RAD52: variants seen among roughly 807,000 people sequenced by gnomAD.
RAD52 encodes the protein DNA repair protein RAD52 homolog.
Under a neutral mutation model 55.5 loss-of-function variants are expected in RAD52, and 47 were observed. The observed-to-expected ratio is 0.85, with a 90% CI of 0.67 to 1.08. The LOEUF (loss-of-function observed/expected upper bound fraction) is 1.08, where lower values mean the gene tolerates loss of function less well. Among genes scored for constraint, RAD52 ranks in the 50% least tolerant of loss-of-function variants. The pLI is 0.00. For missense variants in RAD52, 468 were observed against 522.8 expected, an observed-to-expected ratio of 0.90 and a Z score of 1.02; for synonymous variants, 184 against 198.9, an observed-to-expected ratio of 0.92 and a Z score of 0.63.
At chr12:966,898 C>A (rs889037898) in intron 1 of RAD52, among the ~76,000 whole-genome samples, 1 of 151,674 alleles carries the variant, frequency 6.6e-6, no homozygotes, top group African/African-American at 2.4e-5. Context: ...TTTACTGTTG[C>A]GTCACAAGGT....
intron 6 of RAD52, among the ~76,000 whole-genome samples, chr12:926,535 A>G (rs1305769523): frequency 3.3e-5 from 5 of 151,768 alleles, no homozygotes; most frequent in Non-Finnish European, 7.4e-5. Context: ...AAATAAATAA[A>G]TAAGCCTGGG....
At chr12:974,800 T>C (rs1958914767) in intron 1 of RAD52, 1 of 152,248 alleles carries the variant, frequency 6.6e-6, no homozygotes, top group African/African-American at 2.4e-5. Flanking sequence ...TGAGTTACTA[T>C]TATTATCTCC....
chr12:963,056 A>C (rs980203983), intron 1 of RAD52, among the ~76,000 whole-genome samples: 1 of 152,184 alleles, frequency 6.6e-6, no homozygotes, highest in Admixed American at 6.5e-5. Context: ...CTGGCTGCCT[A>C]ATTCTTACTA....
intron 1 of RAD52, among the ~76,000 whole-genome samples, chr12:942,699 A>T (rs1236132694): frequency 6.6e-6 from 1 of 151,686 alleles, no homozygotes; most frequent in East Asian, 1.9e-4. Flanking sequence ...GTGAGCGGAG[A>T]TCGCCATCAC....
intron 1 of RAD52, among the ~76,000 whole-genome samples, chr12:937,184 G>T (rs1230984188): frequency 6.6e-6 from 1 of 152,186 alleles, no homozygotes; most frequent in Non-Finnish European, 1.5e-5. Context: ...CTGGGAGACA[G>T]CTTTAGGAGA....
At chr12:927,441 C>T (rs1957100576) in intron 5 of RAD52, among the ~76,000 whole-genome samples, 178 bp from the exon 6 acceptor site, 2 of 152,132 alleles carry the variant, frequency 1.3e-5, no homozygotes, top group African/African-American at 4.8e-5. Context: ...TAGACCTGGG[C>T]TGCCTGGACA....
chr12:944,773 T>TC lies in RAD52; in HGVS notation c.-19+4828_-19+4829insG, dbSNP rs367910604. Among the ~76,000 whole-genome samples, 217 of 138,880 alleles carry TC rather than the reference T, an allele frequency of 1.6e-3. 4 individuals are homozygous for TC. Among genetic ancestry groups the TC allele is most frequent in the African/African-American group, 5.1e-3 (194 of 38,200 alleles). 91.1% of individuals were successfully genotyped at this position (138,880 alleles called of 152,430 possible). A position where few individuals can be genotyped will look rare whatever the true frequency, so the allele number is the denominator to read the frequency against. ...TCACCTAAAAGCATTTTTCTTTCTT[T>TC]TTTTTTTTTTTTGAGGAGTCTCACA... is the stretch of plus-strand genomic sequence containing the variant. On this transcript the variant is annotated intron_variant, in intron 1 of 11. Transcript: ENST00000358495.
intron 7 of RAD52, among the ~76,000 whole-genome samples, chr12:924,987 G>C (rs1406385749): frequency 2.9e-5 from 4 of 136,180 alleles, no homozygotes; most frequent in African/African-American, 1.1e-4. Context: ...GTCTGGCTCT[G>C]TCGCCCAGGT....
At chr12:978,091 G>A (rs1301117079) in intron 1 of RAD52, among the ~76,000 whole-genome samples, 2 of 152,232 alleles carry the variant, frequency 1.3e-5, no homozygotes, top group South Asian at 2.1e-4. Flanking sequence ...ACTGGCTACT[G>A]AGATACAGTT....
At chr12:979,529 C>A (rs1028186800) in intron 1 of RAD52, among the ~76,000 whole-genome samples, 1 of 152,016 alleles carries the variant, frequency 6.6e-6, no homozygotes, top group Non-Finnish European at 1.5e-5. Context: ...GACACCAGAC[C>A]ACATGTGCCG....
intron 1 of RAD52, among the ~76,000 whole-genome samples, chr12:972,812 C>A (rs2154121378): frequency 6.8e-6 from 1 of 145,994 alleles, no homozygotes; most frequent in African/African-American, 2.6e-5. Context: ...GGTGGGGGCA[C>A]ACCTGGCATG....
upstream of RAD52, among the ~76,000 whole-genome samples, chr12:952,916 GGGAA>G: frequency 1.3e-5 from 1 of 75,188 alleles, no homozygotes; most frequent in Non-Finnish European, 2.7e-5. Flanking sequence ...CGGAAGAGAA[GGGAA>G]GGGAGGGGAA....
intron 7 of RAD52, among the ~76,000 whole-genome samples, chr12:923,573 T>TA (rs368376156): frequency 0.19 from 25,758 of 135,250 alleles, 2,476 homozygotes; most frequent in Admixed American, 0.24. Context: ...TAAAATAAAT[T>TA]AAAAAAAAAA....
At chr12:935,857 AAAATAAAT>A (rs35867275) in intron 1 of RAD52, among the ~76,000 whole-genome samples, 1,992 of 134,774 alleles carry the variant, frequency 0.015, 33 homozygotes, top group East Asian at 0.054. Flanking sequence ...CCGTCTCAAA[AAAATAAAT>A]AAATAAATAA....
chr12:931,565 G>A (rs766629799), intron 2 of RAD52, among the ~76,000 whole-genome samples: 3 of 152,182 alleles, frequency 2.0e-5, no homozygotes, highest in Non-Finnish European at 4.4e-5. Flanking sequence ...ATTCACTCAT[G>A]AGACAATGAG....
chr12:922,191 T>TA (rs79763100), intron 7 of RAD52, among the ~76,000 whole-genome samples: 26,072 of 81,428 alleles, frequency 0.32, 4,324 homozygotes, highest in East Asian at 0.5. Context: ...TAGGTTGGCT[T>TA]AAAAAAAAAA....
chr12:972,016 T>C (rs960793745), intron 1 of RAD52, among the ~76,000 whole-genome samples: 1 of 152,056 alleles, frequency 6.6e-6, no homozygotes, highest in Non-Finnish European at 1.5e-5. Context: ...CCAAAGTACC[T>C]TTACCTTTTG....
chr12:965,491 C>T (rs1440858746), intron 1 of RAD52, among the ~76,000 whole-genome samples: 1 of 152,010 alleles, frequency 6.6e-6, no homozygotes, highest in Non-Finnish European at 1.5e-5. Flanking sequence ...CAAATCTCAT[C>T]TGTCCTCCTC....
At chr12:979,594 G>A (rs1412354454) in intron 1 of RAD52, among the ~76,000 whole-genome samples, 1 of 152,092 alleles carries the variant, frequency 6.6e-6, no homozygotes. Flanking sequence ...CAGAGAATAT[G>A]CCATGTGAGG....
Sources: gnomAD v4.1 joint callset for allele counts (sites outside exome capture counted in the v4.1 genomes callset) on GRCh38, gnomAD v4.1.1 for gene constraint, MANE v1.5 for transcripts, NCBI Gene and HGNC (gene_info 2026-07-23, HGNC 2026-07-21) for gene names.